CAND1: variants seen among roughly 807,000 people sequenced by gnomAD.
CAND1 encodes cullin associated and neddylation dissociated 1.
Under a neutral mutation model 108.5 loss-of-function variants are expected in CAND1, and 7 were observed. The observed-to-expected ratio is 0.06, with a 90% CI of 0.04 to 0.12. The LOEUF (loss-of-function observed/expected upper bound fraction) is 0.12. Ranked by LOEUF, CAND1 falls within the 10% of genes least tolerant of loss-of-function variation. The pLI is 1.00. For missense variants in CAND1, 941 were observed against 1,448.7 expected, an observed-to-expected ratio of 0.65 and a Z score of 5.69; for synonymous variants, 534 against 512.0, an observed-to-expected ratio of 1.04 and a Z score of -0.58.
chr12:67,275,602 G>T (rs1324976024), intron 1 of CAND1, among the ~76,000 whole-genome samples: 3 of 152,064 alleles, frequency 2.0e-5, no homozygotes, highest in African/African-American at 7.2e-5. Context: ...AAATAGCAGT[G>T]GTGTATGTGC....
chr12:67,292,555 A>G (rs1289694341), intron 2 of CAND1, 67 bp from the exon 3 acceptor site: 1 of 1,127,818 alleles, frequency 8.9e-7, no homozygotes, highest in Non-Finnish European at 1.3e-6. Flanking sequence ...TAACATTTCT[A>G]CTTATGTATT....
rs367644026 is a variant in CAND1 at position 67,299,034 on chromosome 12, C to T, written c.939C>T (p.Tyr313=). ...KYLTYDPNYN[Y]DDEDEDENAM... ...TTACCTATGATCCAAATTATAATTA[C>T]GATGATGAAGATGAAGATGAAAATG... The change falls in exon 7 of 15, where the codon TAC becomes TAT. Residue 313 remains tyrosine (Y), a synonymous_variant. Transcript: ENST00000545606. The T allele has an allele frequency of 8.0e-6, 12 of 1,496,120 alleles. No homozygotes were observed. Among genetic ancestry groups the T allele is most frequent in the East Asian group, 2.3e-5 (1 of 43,892 alleles). The allele number at this position is 1,496,120 out of a possible 1,614,324, so 92.7% of individuals were successfully genotyped here.
chr12:67,318,519 C>T lies in CAND1; in HGVS notation c.*5689C>T, dbSNP rs1301703235. ...TAATATAATTGTTAACTCTTACTAG[C>T]ATTCTGTCCCTTTTATTTCCTAAAT... On this transcript the variant is annotated 3_prime_UTR_variant, in exon 15 of 15. Coordinates refer to ENST00000545606, the MANE Select transcript of CAND1 (RefSeq NM_018448.5). 1 of 152,216 alleles carries T rather than the reference C, an allele frequency of 6.6e-6. No individual in the cohort carries two copies. Among genetic ancestry groups the T allele is most frequent in the Non-Finnish European group, 1.5e-5 (1 of 68,040 alleles). 9.4% of individuals were successfully genotyped at this position (152,216 alleles called of 1,614,324 possible).
At chr12:67,288,101 G>A (rs1216510837) in intron 2 of CAND1, among the ~76,000 whole-genome samples, 3 of 150,172 alleles carry the variant, frequency 2.0e-5, no homozygotes, top group African/African-American at 7.3e-5. Flanking sequence ...TCAGGTCAAG[G>A]TATTTGATAG....
At chr12:67,290,353 ATACAAAAAG>A (rs1304607170) in intron 2 of CAND1, among the ~76,000 whole-genome samples, 2 of 152,134 alleles carry the variant, frequency 1.3e-5, no homozygotes, top group African/African-American at 4.8e-5. Flanking sequence ...TCTACTAAAA[ATACAAAAAG>A]TAATGGGACA....
rs537187709 is a variant in CAND1 at position 67,313,751 on chromosome 12, CCAGATTTTTCTTTCATTCCGT to C, written c.*922_*942del. ...TGATTCCACTTAGAAATTCTTAAAA[CCAGATTTTTCTTTCATTCCGT>C]TTGGATGTCTACATTCCTTATCAAA... is the stretch of plus-strand genomic sequence containing the variant. On this transcript the variant is annotated 3_prime_UTR_variant, in exon 15 of 15. Transcript: ENST00000545606. The C allele has an allele frequency of 6.6e-6, 1 of 152,626 alleles. No homozygotes were observed. Among genetic ancestry groups the C allele is most frequent in the Admixed American group, 6.5e-5 (1 of 15,286 alleles). The allele number at this position is 152,626 out of a possible 1,614,324, so 9.5% of individuals were successfully genotyped here. A position where few individuals can be genotyped will look rare whatever the true frequency, so the allele number is the denominator to read the frequency against.
At chr12:67,278,726 C>T (rs1375761337) in intron 1 of CAND1, among the ~76,000 whole-genome samples, 1 of 152,012 alleles carries the variant, frequency 6.6e-6, no homozygotes, top group Non-Finnish European at 1.5e-5. Flanking sequence ...ACCATGTTGG[C>T]CAGGCTGGTG....
intron 2 of CAND1, 53 bp downstream of exon 2, chr12:67,282,106 T>G: frequency 1.9e-6 from 3 of 1,569,942 alleles, no homozygotes; most frequent in Non-Finnish European, 2.6e-6. Context: ...CAACCCTGTT[T>G]TTAAAAACTC....
Position 67,306,346 on chromosome 12 carries a change from C to A in CAND1, c.2678C>A (p.Pro893Gln), listed in dbSNP as rs753329541. The change falls in exon 10 of 15, where the codon CCG becomes CAG. Residue 893 changes from proline (P) to glutamine (Q), a missense_variant. Physicochemically the swap from Pro to Gln is moderately conservative, Grantham distance 76. Coordinates refer to ENST00000545606, the MANE Select transcript of CAND1 (RefSeq NM_018448.5). The stretch of plus-strand genomic sequence containing the variant: ...GTGGGCAACCTTCCTGAATATCTGC[C>A]GTTTGTCCTGCAAGAAATAACTAGT... ...ISVGNLPEYL[P>Q]FVLQEITSQP... 1 of 1,614,084 alleles carries A rather than the reference C, an allele frequency of 6.2e-7. No individual in the cohort carries two copies. Among genetic ancestry groups the A allele is most frequent in the South Asian group, 1.1e-5 (1 of 91,068 alleles).
chr12:67,292,268 T>G (rs1171559683), intron 2 of CAND1, among the ~76,000 whole-genome samples: 3 of 151,794 alleles, frequency 2.0e-5, no homozygotes, highest in Admixed American at 6.6e-5. Flanking sequence ...AGCCCAGGAG[T>G]TCAAGGCCAG....
In CAND1 at chr12:67,317,448, CTTTTTTCTTT is replaced by C. The variant is rs1201413463; in HGVS notation, c.*4629_*4638del. On this transcript the variant is annotated 3_prime_UTR_variant, in exon 15 of 15. Coordinates refer to ENST00000545606, the MANE Select transcript of CAND1 (RefSeq NM_018448.5). The stretch of plus-strand genomic sequence containing the variant: ...TTGCCCAGCCACATGTTGTTGATTT[CTTTTTTCTTT>C]TTTTTTCTTTCTTAATTTTTTTTTT... 7.7e-5 allele frequency: 10 copies of C among 129,798 alleles called. No individual in the cohort carries two copies. The highest frequency in any genetic ancestry group is 2.3e-4 in the African/African-American group (8 of 34,718). 8.0% of individuals were successfully genotyped at this position (129,798 alleles called of 1,614,324 possible). A position where few individuals can be genotyped will look rare whatever the true frequency, so the allele number is the denominator to read the frequency against.
chr12:67,287,102 C>G (rs915506499), intron 2 of CAND1, among the ~76,000 whole-genome samples: 1 of 152,132 alleles, frequency 6.6e-6, no homozygotes, highest in Non-Finnish European at 1.5e-5. Context: ...CCAGATAATT[C>G]TTTTTGTTGT....
In CAND1 at chr12:67,312,982, ATTG is replaced by A; in HGVS notation, c.*158_*160del. On this transcript the variant is annotated 3_prime_UTR_variant, in exon 15 of 15. Coordinates refer to ENST00000545606, the MANE Select transcript of CAND1 (RefSeq NM_018448.5). ...GAGACTGTTTGTTTGGCTTTCTTCC[ATTG>A]TTGTTTTTGTAGCATTTATTTCAGA... 1.9e-6 allele frequency: 1 copy of A among 534,056 alleles called. No homozygotes were observed. 33.1% of individuals were successfully genotyped at this position (534,056 alleles called of 1,614,324 possible). A position where few individuals can be genotyped will look rare whatever the true frequency, so the allele number is the denominator to read the frequency against.
At position 67,305,449 on chromosome 12, in the gene CAND1, G is replaced by A; in HGVS notation, c.1781G>A (p.Gly594Glu). ...AAGGAAAGGGCTATTTCCTGTATGGGACAAATTATTTGCAACCTTGGAGAC... is the reference window on the plus strand; with the variant it reads ...AAGGAAAGGGCTATTTCCTGTATGGAACAAATTATTTGCAACCTTGGAGAC... ...EVKERAISCM[G>E]QIICNLGDNL... The change falls in exon 10 of 15, where the codon GGA (glycine) becomes GAA (glutamate). Residue 594 changes from glycine (G) to glutamate (E), a missense_variant. Coordinates refer to ENST00000545606, the MANE Select transcript of CAND1 (RefSeq NM_018448.5). This position sits in a 1 kb window ranked among gnomAD's most constrained non-coding sequence, Gnocchi z 4.4. 1 of 1,613,570 alleles carries A rather than the reference G, an allele frequency of 6.2e-7. No individual in the cohort carries two copies. Among genetic ancestry groups the A allele is most frequent in the Non-Finnish European group, 8.5e-7 (1 of 1,180,008 alleles).
chr12:67,274,995 T>C (rs2044555638), intron 1 of CAND1, among the ~76,000 whole-genome samples: 1 of 152,072 alleles, frequency 6.6e-6, no homozygotes, highest in South Asian at 2.1e-4. Context: ...TCAGAAGAAA[T>C]AGATTTGCAG....
intron 2 of CAND1, among the ~76,000 whole-genome samples, chr12:67,289,028 G>A (rs969594606): frequency 1.3e-5 from 2 of 151,972 alleles, no homozygotes; most frequent in African/African-American, 4.8e-5. Context: ...AGCCACTCCC[G>A]TTTATTTCAA....
rs1361159945 is a variant in CAND1 at position 67,305,462 on chromosome 12, C to T, written c.1794C>T (p.Cys598=). ...TTTCCTGTATGGGACAAATTATTTGCAACCTTGGAGACAATTTGGGTTCTG... is the reference window on the plus strand; with the variant it reads ...TTTCCTGTATGGGACAAATTATTTGTAACCTTGGAGACAATTTGGGTTCTG... The part of the protein sequence containing the change: ...RAISCMGQII[C]NLGDNLGSDL... Residue 598 remains cysteine, a synonymous_variant, in exon 10 of 15, where the codon TGC becomes TGT. Coordinates refer to ENST00000545606, the MANE Select transcript of CAND1 (RefSeq NM_018448.5). The surrounding 1 kb of genome is among the most constrained non-coding windows in gnomAD (Gnocchi z 4.4). The T allele has an allele frequency of 6.2e-7, 1 of 1,613,590 alleles. No individual in the cohort carries two copies. Among genetic ancestry groups the T allele is most frequent in the African/African-American group, 1.3e-5 (1 of 75,028 alleles).
At chr12:67,292,215 G>A (rs1230463647) in intron 2 of CAND1, among the ~76,000 whole-genome samples, 1 of 152,078 alleles carries the variant, frequency 6.6e-6, no homozygotes, top group African/African-American at 2.4e-5. Flanking sequence ...TTGTGCCCTT[G>A]TAGTCCTAGT....
chr12:67,311,803 A>G lies in CAND1; in HGVS notation c.3468+3A>G. The G allele has an allele frequency of 6.5e-7, 1 of 1,545,510 alleles. No individual in the cohort carries two copies. The highest frequency in any genetic ancestry group is 8.9e-7 in the Non-Finnish European group (1 of 1,117,650). ...TACGTGCAACATGTACAACTAAGGT[A>G]AGAAATGATAAGTATCAACCTAGGT... is the stretch of plus-strand genomic sequence containing the variant. On this transcript the variant is annotated splice_donor_region_variant and intron_variant, in intron 14 of 14. Transcript: ENST00000545606.
Sources: allele counts gnomAD v4.1 joint callset (sites outside exome capture counted in the v4.1 genomes callset), GRCh38; gene constraint gnomAD v4.1.1; non-coding constraint Gnocchi (gnomAD v3.1); transcripts MANE v1.5; gene names NCBI Gene and HGNC (gene_info 2026-07-23, HGNC 2026-07-21).